The following CTNNB1 variants were observed in gnomAD, a reference collection of about 807,000 sequenced individuals.
CTNNB1 encodes the protein catenin beta-1.
Under a neutral mutation model 82.5 loss-of-function variants are expected in CTNNB1, and 6 were observed. The observed-to-expected ratio is 0.07, with a 90% CI of 0.04 to 0.14. The LOEUF is 0.14. Among genes scored for constraint, CTNNB1 ranks in the 10% least tolerant of loss-of-function variants. The pLI, the probability that CTNNB1 is intolerant of heterozygous loss-of-function variation, is 1.00. For synonymous variants in CTNNB1, 312 were observed against 329.7 expected (o/e 0.95, Z 0.58); for missense variants, 529 against 980.4 (o/e 0.54, Z 6.15).
At chr3:41,206,223 A>G (rs2077645497) in intron 1 of CTNNB1, among the ~76,000 whole-genome samples, 1 of 152,154 alleles carries the variant, frequency 6.6e-6, no homozygotes, top group Non-Finnish European at 1.5e-5. Flanking sequence ...CTTGGGGGGT[A>G]TTTTTAACCT....
Position 41,240,222 on chromosome 3 carries a change from T to C in CTNNB1, c.*880T>C, listed in dbSNP as rs1446902820. 1.5e-5 allele frequency: 3 copies of C among 197,290 alleles called. No individual in the cohort carries two copies. Among genetic ancestry groups the C allele is most frequent in the East Asian group, 1.6e-4 (2 of 12,542 alleles). The allele number at this position is 197,290 out of a possible 1,614,324, so 12.2% of individuals were successfully genotyped here. A position where few individuals can be genotyped will look rare whatever the true frequency, so the allele number is the denominator to read the frequency against. ...GGTCCAATTAGTTTCCTTTTTAATATGCTTAAAATAAGCAGGTGGATCTAT... is the reference window on the plus strand; with the variant it reads ...GGTCCAATTAGTTTCCTTTTTAATACGCTTAAAATAAGCAGGTGGATCTAT... On this transcript the variant is annotated 3_prime_UTR_variant, in exon 15 of 15. Coordinates refer to ENST00000349496, the MANE Select transcript of CTNNB1 (RefSeq NM_001904.4).
At chr3:41,235,686 G>C (rs751301263) in intron 10 of CTNNB1, 38 bp from the exon 11 acceptor site, 1 of 1,613,906 alleles carries the variant, frequency 6.2e-7, no homozygotes, top group South Asian at 1.1e-5. Context: ...CTTTACAGAG[G>C]AGAATGCCCT....
At chr3:41,236,860 C>G (rs1031949314) in intron 13 of CTNNB1, 151 bp downstream of exon 13, 1 of 942,894 alleles carries the variant, frequency 1.1e-6, no homozygotes, top group East Asian at 2.4e-5. Flanking sequence ...AGCAACTGCT[C>G]TGAGGAAGAA....
chr3:41,228,705 C>A (rs1186510160), intron 7 of CTNNB1, among the ~76,000 whole-genome samples: 1 of 152,170 alleles, frequency 6.6e-6, no homozygotes, highest in African/African-American at 2.4e-5. Flanking sequence ...CTGTTGATTT[C>A]TTTTGCTGCG....
At chr3:41,237,823 G>C in intron 13 of CTNNB1, 193 bp from the exon 14 acceptor site, 1 of 583,500 alleles carries the variant, frequency 1.7e-6, no homozygotes, top group Non-Finnish European at 3.1e-6. Flanking sequence ...TTTAATGTGA[G>C]GTGCAAAGAG....
rs190724600 is a variant in CTNNB1, at chr3:41,237,883, C to G, written c.2077-133C>G. The G allele has an allele frequency of 4.4e-5, 34 of 765,168 alleles. No homozygotes were observed. The East Asian group carries it at 7.7e-4, about 17-fold the overall frequency. The allele number at this position is 765,168 out of a possible 1,614,324, so 47.4% of individuals were successfully genotyped here. On this transcript the variant is annotated intron_variant, in intron 13 of 14. Coordinates refer to ENST00000349496, the MANE Select transcript of CTNNB1 (RefSeq NM_001904.4). ...TGGAGTTTTGAAGAACTTCCATTTT[C>G]TAAGCATTTGTGTAATGTTGGAGTT...
chr3:41,201,354 A>T (rs1485278914), intron 1 of CTNNB1, among the ~76,000 whole-genome samples: 1 of 151,478 alleles, frequency 6.6e-6, no homozygotes, highest in Admixed American at 6.6e-5. Context: ...TCTCTGATTA[A>T]AAAAAAAGTA....
intron 1 of CTNNB1, among the ~76,000 whole-genome samples, chr3:41,208,535 T>G (rs533477429): frequency 1.3e-5 from 2 of 152,208 alleles, no homozygotes; most frequent in Non-Finnish European, 2.9e-5. Context: ...ATCAATCCCA[T>G]TGGGACCTAC....
In CTNNB1 at chr3:41,224,514, TC is replaced by T; in HGVS notation, c.14-11del. On this transcript the variant is annotated splice_polypyrimidine_tract_variant and intron_variant, in intron 2 of 14. Coordinates refer to ENST00000349496, the MANE Select transcript of CTNNB1 (RefSeq NM_001904.4). ...CCAATCTACTAATGCTAATACTGTT[TC>T]GTATTTATAGCTGATTTGATGGAGT... 2 of 1,609,478 alleles carry T rather than the reference TC, an allele frequency of 1.2e-6. No homozygotes were observed.
chr3:41,225,301 A>G lies in CTNNB1; in HGVS notation c.496-33A>G, dbSNP rs2125621897. ...TGTCTACCCAATACCAGTACTTGAA[A>G]ACTAACGATGTTTCTGAATTCCTGT... On this transcript the variant is annotated intron_variant, in intron 4 of 14. Coordinates refer to ENST00000349496, the MANE Select transcript of CTNNB1 (RefSeq NM_001904.4). The surrounding 1 kb of genome is among the most constrained non-coding windows in gnomAD (Gnocchi z 5.3). The G allele has an allele frequency of 6.2e-7, 1 of 1,613,906 alleles. No homozygotes were observed. Among genetic ancestry groups the G allele is most frequent in the Non-Finnish European group, 8.5e-7 (1 of 1,179,842 alleles).
chr3:41,217,765 C>T (rs2077948861), intron 1 of CTNNB1, among the ~76,000 whole-genome samples: 1 of 152,168 alleles, frequency 6.6e-6, no homozygotes, highest in African/African-American at 2.4e-5. Context: ...TGGGTTTAAA[C>T]ATCCTTTGTA....
At chr3:41,207,181 A>G (rs183356811) in intron 1 of CTNNB1, among the ~76,000 whole-genome samples, 7 of 152,306 alleles carry the variant, frequency 4.6e-5, no homozygotes, top group African/African-American at 1.7e-4. Context: ...TAGAAAGTTT[A>G]CAGATGAGAT....
rs189679479 is a variant in CTNNB1, at chr3:41,222,129, C to T, written c.-48-1892C>T. ...TTGGTAAGTTTTGGCTAATTGGGAG[C>T]ACTAGAATTGGGCCCTTAATGGTTG... On this transcript the variant is annotated intron_variant, in intron 1 of 14. Transcript: ENST00000349496. 1.2e-4 allele frequency: 18 copies of T among 152,230 alleles called. No individual in the cohort carries two copies. The East Asian group carries it at 3.5e-3, about 29-fold the overall frequency. 9.4% of individuals were successfully genotyped at this position (152,230 alleles called of 1,614,324 possible).
Position 41,239,239 on chromosome 3 carries a change from A to G in CTNNB1, c.2243A>G (p.Tyr748Cys), listed in dbSNP as rs2125653625. ...GGTGGCCACCACCCTGGTGCTGACT[A>G]TCCAGTTGATGGGCTGCCAGATCTG... ...EMGGHHPGAD[Y>C]PVDGLPDLGH... is the part of the protein sequence containing the mutation. Residue 748 changes from tyrosine (Y) to cysteine (C), a missense_variant, in exon 15 of 15, where the codon TAT becomes TGT. By Grantham distance (194) the Tyr-to-Cys change is radical. This residue lies in a region of CTNNB1 where 102 missense variants were observed against 130.8 expected (regional missense o/e 0.78). Transcript: ENST00000349496. 1 of 1,614,218 alleles carries G rather than the reference A, an allele frequency of 6.2e-7. No individual in the cohort carries two copies. The highest frequency in any genetic ancestry group is 8.5e-7 in the Non-Finnish European group (1 of 1,180,026).
intron 13 of CTNNB1, chr3:41,237,469 C>CAAAAAAAAAAAAAAAA (rs2078464633): frequency 1.1e-5 from 1 of 90,870 alleles, no homozygotes; most frequent in African/African-American, 3.7e-5. Flanking sequence ...AAAAAAAAAG[C>CAAAAAAAAAAAAAAAA]AAATTACCAG....
At chr3:41,223,433 A>T (rs576107179) in intron 1 of CTNNB1, among the ~76,000 whole-genome samples, 1 of 152,270 alleles carries the variant, frequency 6.6e-6, no homozygotes, top group Non-Finnish European at 1.5e-5. Flanking sequence ...TTTACTAATA[A>T]AGGTGCTTTT....
chr3:41,214,803 T>C (rs1202648571), intron 1 of CTNNB1, among the ~76,000 whole-genome samples: 4 of 152,108 alleles, frequency 2.6e-5, no homozygotes, highest in Non-Finnish European at 5.9e-5. Flanking sequence ...AAAAGGATAA[T>C]TATTTTGTGA....
intron 1 of CTNNB1, among the ~76,000 whole-genome samples, chr3:41,214,315 T>TAAC (rs2077865933): frequency 6.6e-6 from 1 of 151,964 alleles, no homozygotes; most frequent in South Asian, 2.1e-4. Flanking sequence ...TTAGTCTGAT[T>TAAC]AACACCCTTG....
chr3:41,200,344 A>T (rs1272019671), intron 1 of CTNNB1: 2 of 152,218 alleles, frequency 1.3e-5, no homozygotes, highest in East Asian at 3.8e-4. Flanking sequence ...CACATAAAAA[A>T]TCCATGTCTT....
Sources: gnomAD v4.1 joint callset for allele counts (sites outside exome capture counted in the v4.1 genomes callset) on GRCh38, gnomAD v4.1.1 for gene constraint, gnomAD v4.1.1 regional missense constraint, Gnocchi (gnomAD v3.1) non-coding constraint, MANE v1.5 for transcripts, NCBI Gene and HGNC (gene_info 2026-07-23, HGNC 2026-07-21) for gene names.